The following ST7 variants were observed in gnomAD, a reference collection of about 807,000 sequenced individuals.
ST7 encodes the protein suppression of tumorigenicity 7.
ST7 carries 28 observed loss-of-function variants against 78.7 expected under a neutral mutation model. That is an observed-to-expected ratio of 0.36 (90% CI 0.26 to 0.49). ST7 has a LOEUF of 0.49. ST7 is among the 20% of genes least tolerant of loss of function. The pLI, the probability that ST7 is intolerant of heterozygous loss-of-function variation, is 0.99. For missense variants in ST7, 418 were observed against 696.0 expected, an observed-to-expected ratio of 0.60 and a Z score of 4.49; for synonymous variants, 247 against 249.6, an observed-to-expected ratio of 0.99 and a Z score of 0.10.
intron 1 of ST7, among the ~76,000 whole-genome samples, chr7:116,968,781 A>G (rs945310846): frequency 5.9e-5 from 9 of 152,220 alleles, no homozygotes; most frequent in African/African-American, 4.8e-5. Flanking sequence ...TCATAGTGGT[A>G]GTTACTGGAA....
chr7:117,187,012 A>G (rs1809323739), intron 10 of ST7, among the ~76,000 whole-genome samples: 1 of 152,234 alleles, frequency 6.6e-6, no homozygotes, highest in Admixed American at 6.5e-5. Flanking sequence ...CATCATTTTC[A>G]AAAATGAAAA....
intron 2 of ST7, among the ~76,000 whole-genome samples, chr7:117,115,885 C>T (rs1408198575): frequency 6.6e-6 from 1 of 152,182 alleles, no homozygotes; most frequent in African/African-American, 2.4e-5. Flanking sequence ...TATCATCCAC[C>T]CAGTCAACCT....
chr7:117,191,399 A>G (rs920255832), intron 12 of ST7, among the ~76,000 whole-genome samples: 5 of 152,214 alleles, frequency 3.3e-5, no homozygotes, highest in African/African-American at 1.2e-4. Flanking sequence ...AAACTTCAAA[A>G]TATGAAGAAG....
chr7:117,188,925 C>T (rs1260505921), intron 10 of ST7, among the ~76,000 whole-genome samples: 1 of 152,068 alleles, frequency 6.6e-6, no homozygotes, highest in Non-Finnish European at 1.5e-5. Flanking sequence ...CTTCAATTAG[C>T]ATTTCATATA....
intron 3 of ST7, among the ~76,000 whole-genome samples, chr7:117,122,254 C>T (rs1250509015): frequency 6.6e-6 from 1 of 152,158 alleles, no homozygotes; most frequent in African/African-American, 2.4e-5. Flanking sequence ...TGACAGAAGC[C>T]AAAGTTGCCA....
chr7:116,958,982 C>T (rs1792680718), intron 1 of ST7, among the ~76,000 whole-genome samples: 1 of 152,146 alleles, frequency 6.6e-6, no homozygotes, highest in South Asian at 2.1e-4. Flanking sequence ...TAAAGTTTGC[C>T]ACATGGATTG....
At chr7:117,103,126 A>G (rs1318499049) in intron 2 of ST7, among the ~76,000 whole-genome samples, 1 of 152,226 alleles carries the variant, frequency 6.6e-6, no homozygotes, top group Non-Finnish European at 1.5e-5. Context: ...GGATTGGAAG[A>G]ATTAATATCA....
chr7:116,973,749 T>C (rs1480064313), intron 1 of ST7, among the ~76,000 whole-genome samples: 1 of 152,238 alleles, frequency 6.6e-6, no homozygotes, highest in Non-Finnish European at 1.5e-5. Context: ...GCCCATACCC[T>C]TCTGCAACTT....
At chr7:117,061,729 C>T (rs1203412104) in intron 1 of ST7, among the ~76,000 whole-genome samples, 3 of 151,948 alleles carry the variant, frequency 2.0e-5, no homozygotes, top group African/African-American at 7.3e-5. Context: ...TAGAGAGGGA[C>T]ACTGACATTA....
intron 12 of ST7, among the ~76,000 whole-genome samples, chr7:117,204,260 A>G (rs1791524880): frequency 6.6e-6 from 1 of 152,250 alleles, no homozygotes; most frequent in Non-Finnish European, 1.5e-5. Flanking sequence ...TAGCAAAAAT[A>G]TCTACTATTC....
intron 1 of ST7, among the ~76,000 whole-genome samples, chr7:117,022,463 A>C: frequency 6.6e-6 from 1 of 152,166 alleles, no homozygotes; most frequent in South Asian, 2.1e-4. Flanking sequence ...AAGATTCCCT[A>C]AGTCTGCATT....
intron 1 of ST7, among the ~76,000 whole-genome samples, chr7:116,992,540 A>G (rs1585105920): frequency 6.6e-6 from 1 of 150,904 alleles, no homozygotes. Context: ...ACAGCACGGG[A>G]CCCTGGCCCC....
At chr7:117,214,818 C>T (rs747138438) in intron 13 of ST7, among the ~76,000 whole-genome samples, 1 of 151,658 alleles carries the variant, frequency 6.6e-6, no homozygotes, top group Non-Finnish European at 1.5e-5. Context: ...TTACTTTATT[C>T]AACAAATATT....
chr7:117,173,598 A>G (rs1255430292), intron 10 of ST7: 5 of 152,220 alleles, frequency 3.3e-5, no homozygotes, highest in African/African-American at 7.2e-5. Context: ...GAGTACAGAC[A>G]GCTTTTAGGG....
chr7:117,018,682 G>T (rs951154800), intron 1 of ST7, among the ~76,000 whole-genome samples: 1 of 152,122 alleles, frequency 6.6e-6, no homozygotes, highest in Admixed American at 6.6e-5. Context: ...CCTCGACAAA[G>T]TATTTAACCA....
intron 1 of ST7, among the ~76,000 whole-genome samples, chr7:117,044,845 G>A (rs1797411804): frequency 6.6e-6 from 1 of 152,124 alleles, no homozygotes; most frequent in South Asian, 2.1e-4. Context: ...GCTCAAACCT[G>A]CTCACCCAGT....
intron 1 of ST7, among the ~76,000 whole-genome samples, chr7:116,984,756 G>A (rs746204164): frequency 8.5e-5 from 13 of 152,124 alleles, no homozygotes; most frequent in Admixed American, 2.6e-4. Context: ...CTCAATATAG[G>A]CATTTGCTTT....
intron 1 of ST7, among the ~76,000 whole-genome samples, chr7:116,971,475 G>A (rs900606046): frequency 5.3e-5 from 8 of 151,714 alleles, no homozygotes; most frequent in African/African-American, 1.9e-4. Flanking sequence ...ACAAAAATTT[G>A]GTCTCAGAGT....
intron 1 of ST7, chr7:116,956,899 C>G (rs1451404154): frequency 5.9e-6 from 2 of 336,698 alleles, no homozygotes; most frequent in Non-Finnish European, 1.2e-5. Context: ...GAGAGCTTCT[C>G]TTGAATTGAG....
Sources: allele counts gnomAD v4.1 joint callset (sites outside exome capture counted in the v4.1 genomes callset), GRCh38; gene constraint gnomAD v4.1.1; transcripts MANE v1.5; gene names NCBI Gene and HGNC (gene_info 2026-07-23, HGNC 2026-07-21).